THRB: variants seen among roughly 807,000 people sequenced by gnomAD.
The protein encoded by THRB is nuclear receptor subfamily 1 group A member 2.
Under a neutral mutation model 47.8 loss-of-function variants are expected in THRB, and 12 were observed. The observed-to-expected ratio is 0.25, with a 90% CI of 0.16 to 0.41. The LOEUF is 0.41. Among genes scored for constraint, THRB ranks in the 10% least tolerant of loss-of-function variants. The probability of loss-of-function intolerance (pLI) is 1.00; values close to 1 mark genes in which losing one functional copy is unlikely to be tolerated. For missense variants in THRB, 348 were observed against 589.2 expected, an observed-to-expected ratio of 0.59 and a Z score of 4.24; for synonymous variants, 218 against 212.2, an observed-to-expected ratio of 1.03 and a Z score of -0.24.
intron 3 of THRB, among the ~76,000 whole-genome samples, chr3:24,233,308 T>C (rs1168945595): frequency 1.3e-5 from 2 of 151,980 alleles, no homozygotes; most frequent in African/African-American, 4.8e-5. Context: ...TCTAACAGCA[T>C]CTTGGGCTGC....
chr3:24,122,468 C>T lies in THRB; in HGVS notation c.*416G>A, dbSNP rs777946299. 7.2e-6 allele frequency: 2 copies of T among 279,580 alleles called. No homozygotes were observed. The highest frequency in any genetic ancestry group is 1.4e-5 in the Non-Finnish European group (2 of 143,714). The allele number at this position is 279,580 out of a possible 1,614,324, so 17.3% of individuals were successfully genotyped here. A position where few individuals can be genotyped will look rare whatever the true frequency, so the allele number is the denominator to read the frequency against. ...CACATCTAACTAAAGGTGGTCTGTG[C>T]TCTGTTAACTTCAGCCCTGCGAACA... On this transcript the variant is annotated 3_prime_UTR_variant, in exon 11 of 11. Transcript: ENST00000646209.
intron 3 of THRB, among the ~76,000 whole-genome samples, chr3:24,286,739 A>C (rs2055345124): frequency 6.6e-6 from 1 of 152,206 alleles, no homozygotes; most frequent in Admixed American, 6.5e-5. Context: ...TTTATGTCAA[A>C]GTTTTCTCAT....
chr3:24,349,572 G>A (rs528173080), intron 1 of THRB, among the ~76,000 whole-genome samples: 150 of 152,178 alleles, frequency 9.9e-4, no homozygotes, highest in Non-Finnish European at 1.6e-3. Context: ...AATCATTAAA[G>A]GTGACACTGC....
At chr3:24,438,774 T>A (rs1353517130) in intron 1 of THRB, among the ~76,000 whole-genome samples, 1 of 151,922 alleles carries the variant, frequency 6.6e-6, no homozygotes, top group Non-Finnish European at 1.5e-5. Flanking sequence ...TGGCCCTCGG[T>A]AAGAGAGTAG....
chr3:24,419,673 A>G (rs1424778186), intron 1 of THRB, among the ~76,000 whole-genome samples: 1 of 151,920 alleles, frequency 6.6e-6, no homozygotes, highest in Non-Finnish European at 1.5e-5. Context: ...TAAAAATAAC[A>G]TTGCATAGTC....
At chr3:24,233,595 G>GAAAGAAAGAAAA (rs1418899087) in intron 3 of THRB, among the ~76,000 whole-genome samples, 1 of 143,852 alleles carries the variant, frequency 7.0e-6, no homozygotes, top group Non-Finnish European at 1.5e-5. Context: ...AAGAAAGAAA[G>GAAAGAAAGAAAA]AAAGAAAGAA....
At position 24,357,364 on chromosome 3, in the gene THRB, A is replaced by C. The variant is rs1274024544; in HGVS notation, c.-260-19993T>G. On this transcript the variant is annotated intron_variant, in intron 1 of 10. Coordinates refer to ENST00000646209, the MANE Select transcript of THRB (RefSeq NM_001354712.2). The stretch of plus-strand genomic sequence containing the variant: ...TCTCTCCCAAAAAAAAAAAAAAAAA[A>C]AAAAAAAAAACAAAAAACAAACAAA... 8.6e-3 allele frequency among the ~76,000 whole-genome samples: 1,269 copies of C among 147,298 alleles called. 30 individuals are homozygous for C. The highest frequency in any genetic ancestry group is 0.03 in the African/African-American group (1,201 of 39,704).
chr3:24,195,042 G>C (rs2043799546), intron 4 of THRB, among the ~76,000 whole-genome samples: 1 of 152,182 alleles, frequency 6.6e-6, no homozygotes, highest in African/African-American at 2.4e-5. Flanking sequence ...AGAGTGTGTA[G>C]AATTATCATT....
chr3:24,381,194 C>G (rs1006662130), intron 1 of THRB, among the ~76,000 whole-genome samples: 1 of 149,870 alleles, frequency 6.7e-6, no homozygotes, highest in Non-Finnish European at 1.5e-5. Context: ...AATATACCAA[C>G]AACATTCAAA....
chr3:24,145,579 TAAAG>T (rs764990630), intron 7 of THRB, among the ~76,000 whole-genome samples: 13 of 152,130 alleles, frequency 8.5e-5, no homozygotes, highest in Non-Finnish European at 1.9e-4. Flanking sequence ...GAGATAAAGA[TAAAG>T]AAAATACTCA....
chr3:24,156,191 G>A (rs1196721217), intron 5 of THRB, among the ~76,000 whole-genome samples: 1 of 152,236 alleles, frequency 6.6e-6, no homozygotes, highest in African/African-American at 2.4e-5. Context: ...GAAGGGGAAA[G>A]TTTTGTACAT....
At position 24,119,896 on chromosome 3, in the gene THRB, C is replaced by T. The variant is rs1468108789; in HGVS notation, c.*2988G>A. The T allele has an allele frequency of 6.6e-6, 1 of 152,310 alleles. No homozygotes were observed. Among genetic ancestry groups the T allele is most frequent in the Non-Finnish European group, 1.5e-5 (1 of 68,078 alleles). The allele number at this position is 152,310 out of a possible 1,614,324, so 9.4% of individuals were successfully genotyped here. ...GCGCATACACTCACACGCACACACGCCCCACACCGCTCATCCCTAAAAGGG... is the reference window on the plus strand; with the variant it reads ...GCGCATACACTCACACGCACACACGTCCCACACCGCTCATCCCTAAAAGGG... On this transcript the variant is annotated 3_prime_UTR_variant, in exon 11 of 11. Coordinates refer to ENST00000646209, the MANE Select transcript of THRB (RefSeq NM_001354712.2).
chr3:24,151,162 C>T (rs756361223), intron 6 of THRB, among the ~76,000 whole-genome samples: 24 of 152,190 alleles, frequency 1.6e-4, no homozygotes, highest in Non-Finnish European at 3.4e-4. Flanking sequence ...GCAAGTCTTG[C>T]AACCTTAGAA....
intron 3 of THRB, among the ~76,000 whole-genome samples, chr3:24,288,529 A>T (rs1254403885): frequency 6.6e-6 from 1 of 152,042 alleles, no homozygotes; most frequent in East Asian, 1.9e-4. Flanking sequence ...CCATTAATAG[A>T]TTTAATACCT....
intron 1 of THRB, among the ~76,000 whole-genome samples, chr3:24,354,671 A>G (rs1229910770): frequency 1.3e-5 from 2 of 152,122 alleles, no homozygotes; most frequent in Admixed American, 1.3e-4. Context: ...CTCTGTCTGG[A>G]TTTCCACTCT....
intron 4 of THRB, among the ~76,000 whole-genome samples, chr3:24,204,242 G>A (rs189630449): frequency 3.9e-5 from 6 of 152,344 alleles, no homozygotes; most frequent in East Asian, 1.9e-4. Flanking sequence ...GCCTTACTGC[G>A]AGGCACCCCC....
At chr3:24,444,817 C>T (rs2071905499) in intron 1 of THRB, among the ~76,000 whole-genome samples, 1 of 152,128 alleles carries the variant, frequency 6.6e-6, no homozygotes, top group Admixed American at 6.5e-5. Flanking sequence ...CTCCTGACCT[C>T]AAGTGATCCA....
At chr3:24,275,183 A>G (rs1234679028) in intron 3 of THRB, among the ~76,000 whole-genome samples, 1 of 152,254 alleles carries the variant, frequency 6.6e-6, no homozygotes, top group Non-Finnish European at 1.5e-5. Flanking sequence ...AATTCACACA[A>G]GGATAAATAA....
At chr3:24,352,068 T>C (rs1486488248) in intron 1 of THRB, among the ~76,000 whole-genome samples, 4 of 152,142 alleles carry the variant, frequency 2.6e-5, no homozygotes, top group Non-Finnish European at 5.9e-5. Flanking sequence ...TGAGTTTCCT[T>C]TATCTCTCTT....
Sources: allele counts gnomAD v4.1 joint callset (sites outside exome capture counted in the v4.1 genomes callset), GRCh38; gene constraint gnomAD v4.1.1; transcripts MANE v1.5; gene names NCBI Gene and HGNC (gene_info 2026-07-23, HGNC 2026-07-21).